ADK: variants seen among roughly 807,000 people sequenced by gnomAD.
ADK encodes the protein adenosine kinase.
Under a neutral mutation model 44.7 loss-of-function variants are expected in ADK, and 24 were observed. The ratio of observed to expected loss-of-function variants is 0.54; its 90% CI spans 0.39 to 0.76. The LOEUF is 0.76. Ranked by LOEUF, ADK falls within the 30% of genes least tolerant of loss-of-function variation. The pLI is 0.00. For missense variants in ADK, 321 were observed against 425.1 expected (o/e 0.76, Z 2.15); for synonymous variants, 128 against 142.6 (o/e 0.90, Z 0.73).
intron 7 of ADK, among the ~76,000 whole-genome samples, chr10:74,564,843 T>A (rs1850593569): frequency 1.3e-5 from 2 of 152,152 alleles, no homozygotes. Context: ...ATTCAGAGAA[T>A]TAATCGCCCC....
intron 1 of ADK, among the ~76,000 whole-genome samples, chr10:74,166,413 G>A (rs775315305): frequency 1.3e-5 from 2 of 151,950 alleles, no homozygotes; most frequent in Non-Finnish European, 2.9e-5. Flanking sequence ...ATTCACCTCC[G>A]GGCTCAAGCC....
At chr10:74,306,795 T>A (rs1055757916) in intron 3 of ADK, among the ~76,000 whole-genome samples, 3 of 152,142 alleles carry the variant, frequency 2.0e-5, no homozygotes, top group Admixed American at 1.3e-4. Flanking sequence ...TTGATACCAG[T>A]GGTCTCCGCT....
intron 6 of ADK, among the ~76,000 whole-genome samples, chr10:74,416,598 C>T (rs1359467453): frequency 3.3e-5 from 5 of 150,486 alleles, no homozygotes; most frequent in Admixed American, 2.0e-4. Context: ...GTGGTAAGTC[C>T]ATGGATGCTT....
At chr10:74,610,348 T>C (rs1200148338) in intron 9 of ADK, among the ~76,000 whole-genome samples, 1 of 152,182 alleles carries the variant, frequency 6.6e-6, no homozygotes, top group Admixed American at 6.5e-5. Context: ...ATTCCATTTA[T>C]GTGACATACC....
At chr10:74,359,329 ATTTGT>A (rs1842249181) in intron 4 of ADK, among the ~76,000 whole-genome samples, 1 of 151,770 alleles carries the variant, frequency 6.6e-6, no homozygotes, top group South Asian at 2.1e-4. Flanking sequence ...GAATTTTAGG[ATTTGT>A]TTTTTCTATT....
chr10:74,293,343 T>G (rs1839696912), intron 3 of ADK, among the ~76,000 whole-genome samples: 1 of 152,132 alleles, frequency 6.6e-6, no homozygotes, highest in Admixed American at 6.5e-5. Flanking sequence ...AACAGCAATA[T>G]AAAAAGAATG....
At chr10:74,264,993 T>A (rs1341409285) in intron 3 of ADK, among the ~76,000 whole-genome samples, 1 of 152,134 alleles carries the variant, frequency 6.6e-6, no homozygotes, top group Non-Finnish European at 1.5e-5. Flanking sequence ...CTTTATTTTT[T>A]GTAGAGACAG....
intron 6 of ADK, among the ~76,000 whole-genome samples, chr10:74,494,538 A>G (rs1470127118): frequency 6.6e-6 from 1 of 152,212 alleles, no homozygotes; most frequent in Admixed American, 6.5e-5. Flanking sequence ...TGACTTCCAT[A>G]CACATATCTT....
In ADK at chr10:74,700,509, C is replaced by T. The variant is rs544671091; in HGVS notation, c.965-7812C>T. On this transcript the variant is annotated intron_variant, in intron 10 of 10. Transcript: ENST00000539909. ...CCACCCGCCTCAGCCTCCCAAAGTG[C>T]TGGGATTACAGGCGTGAGCCATGGC... Among the ~76,000 whole-genome samples the T allele has an allele frequency of 5.3e-5, 8 of 152,226 alleles. No individual in the cohort carries two copies. The East Asian group carries it at 1.4e-3, about 26-fold the overall frequency.
intron 6 of ADK, among the ~76,000 whole-genome samples, chr10:74,471,343 G>A (rs907630282): frequency 1.3e-5 from 2 of 152,054 alleles, no homozygotes; most frequent in African/African-American, 2.4e-5. Context: ...CAAAGTTCTG[G>A]GATTACAGGC....
At chr10:74,311,090 G>A (rs983598985) in intron 3 of ADK, among the ~76,000 whole-genome samples, 1 of 152,064 alleles carries the variant, frequency 6.6e-6, no homozygotes, top group Admixed American at 6.6e-5. Context: ...AGCCATAATT[G>A]TTCCTAATTT....
At chr10:74,682,622 G>A (rs1855654454) in intron 10 of ADK, among the ~76,000 whole-genome samples, 1 of 145,856 alleles carries the variant, frequency 6.9e-6, no homozygotes, top group Non-Finnish European at 1.5e-5. Flanking sequence ...CGCCCAGAAT[G>A]GACTGCAGTG....
chr10:74,254,595 A>G (rs1179671503), intron 3 of ADK, among the ~76,000 whole-genome samples: 2 of 152,108 alleles, frequency 1.3e-5, no homozygotes, highest in Admixed American at 6.5e-5. Flanking sequence ...ACACACTTCA[A>G]AAAGTTGACA....
chr10:74,596,014 A>C (rs12250637), intron 8 of ADK, among the ~76,000 whole-genome samples: 6,461 of 150,216 alleles, frequency 0.043, 499 homozygotes, highest in African/African-American at 0.15. Context: ...AAAAAAAAAA[A>C]AACCACTGAA....
chr10:74,547,486 T>TTA (rs1849875930), intron 7 of ADK, among the ~76,000 whole-genome samples: 2 of 135,076 alleles, frequency 1.5e-5, no homozygotes, highest in African/African-American at 6.1e-5. Flanking sequence ...ATTTTATTAT[T>TTA]TTTTTTTTTT....
intron 2 of ADK, among the ~76,000 whole-genome samples, chr10:74,216,032 A>C (rs1166120811): frequency 4.6e-5 from 7 of 152,132 alleles, no homozygotes; most frequent in African/African-American, 1.7e-4. Context: ...AAATACATAA[A>C]CAGCTTCCTT....
intron 9 of ADK, among the ~76,000 whole-genome samples, chr10:74,614,155 A>G (rs1852659187): frequency 6.6e-6 from 1 of 152,110 alleles, no homozygotes; most frequent in South Asian, 2.1e-4. Context: ...TATCTTTGGG[A>G]TGTGGTTCAT....
chr10:74,531,243 G>A (rs903687152), intron 7 of ADK, among the ~76,000 whole-genome samples: 3 of 152,090 alleles, frequency 2.0e-5, no homozygotes, highest in Non-Finnish European at 2.9e-5. Flanking sequence ...GGATAACCTC[G>A]TAATTCACGA....
intron 9 of ADK, among the ~76,000 whole-genome samples, chr10:74,607,154 T>C (rs778217322): frequency 3.2e-4 from 49 of 152,260 alleles, no homozygotes; most frequent in Non-Finnish European, 5.4e-4. Context: ...CTCCTGAATA[T>C]AGCACACCAA....
Sources: gnomAD v4.1 joint callset for allele counts (sites outside exome capture counted in the v4.1 genomes callset) on GRCh38, gnomAD v4.1.1 for gene constraint, MANE v1.5 for transcripts, NCBI Gene and HGNC (gene_info 2026-07-23, HGNC 2026-07-21) for gene names.